Variants in ZNF462 observed in about 807,000 individuals in gnomAD.
ZNF462 encodes zinc finger protein 462, also known as zinc finger PBX1-interacting protein.
ZNF462 carries 10 observed loss-of-function variants against 201.9 expected under a neutral mutation model. That is an observed-to-expected ratio of 0.05 (90% CI 0.03 to 0.08). ZNF462 has a LOEUF of 0.08. ZNF462 is among the 10% of genes least tolerant of loss of function. ZNF462 has a pLI of 1.00. For synonymous variants in ZNF462, 1,227 were observed against 1,193.3 expected (o/e 1.03, Z -0.58); for missense variants, 2,523 against 3,168.3 (o/e 0.80, Z 4.89).
At position 106,970,437 on chromosome 9, in the gene ZNF462, C is replaced by A. The variant is rs569522101; in HGVS notation, c.6428-1568C>A. Reference sequence around the variant, plus strand: ...GCTGCTCTGCTTTTGTTTTCCTGTTCGAAGAGGCTGACGGGATGGATGGTG... The same window carrying A: ...GCTGCTCTGCTTTTGTTTTCCTGTTAGAAGAGGCTGACGGGATGGATGGTG... On this transcript the variant is annotated intron_variant, in intron 7 of 12. Transcript: ENST00000277225. This position sits in a 1 kb window ranked among gnomAD's most constrained non-coding sequence, Gnocchi z 4.2. Among the ~76,000 whole-genome samples the A allele has an allele frequency of 6.6e-5, 10 of 152,184 alleles. No homozygotes were observed. The South Asian group carries it at 2.1e-3, about 32-fold the overall frequency.
chr9:106,992,435 A>G (rs1321444335), intron 10 of ZNF462, among the ~76,000 whole-genome samples: 1 of 152,068 alleles, frequency 6.6e-6, no homozygotes, highest in Non-Finnish European at 1.5e-5. Context: ...GCAGTTTGGC[A>G]TTTGTTTATA....
intron 10 of ZNF462, among the ~76,000 whole-genome samples, chr9:106,998,763 C>T (rs1211988203): frequency 6.6e-6 from 1 of 152,026 alleles, no homozygotes; most frequent in Non-Finnish European, 1.5e-5. Flanking sequence ...ACCCGCCCAC[C>T]ACACCTGGCT....
At chr9:106,868,492 T>G (rs73668703) in intron 1 of ZNF462, among the ~76,000 whole-genome samples, 4 of 152,234 alleles carry the variant, frequency 2.6e-5, no homozygotes, top group Non-Finnish European at 4.4e-5. Flanking sequence ...TTATTTCTCA[T>G]GCAGAAATTA....
At position 106,928,513 on chromosome 9, in the gene ZNF462, A is replaced by G. The variant is rs1314548751; in HGVS notation, c.4601A>G (p.Tyr1534Cys). 1.2e-6 allele frequency: 2 copies of G among 1,614,000 alleles called. No individual in the cohort carries two copies. Among genetic ancestry groups the G allele is most frequent in the Non-Finnish European group, 1.7e-6 (2 of 1,179,998 alleles). Residue 1534 changes from tyrosine to cysteine, a missense_variant, in exon 3 of 13, where the codon TAC becomes TGC. Transcript: ENST00000277225. This position sits in a 1 kb window ranked among gnomAD's most constrained non-coding sequence, Gnocchi z 9.3. ...CGCATCCACGGCGTACTGACCCACT[A>G]CCAGAAGCGACACCCGTCCATCAAG... ...NTRIHGVLTH[Y>C]QKRHPSIKVT... is the part of the protein sequence containing the mutation.
chr9:106,896,543 A>G (rs1001002685), intron 1 of ZNF462, among the ~76,000 whole-genome samples: 2 of 152,236 alleles, frequency 1.3e-5, no homozygotes, highest in African/African-American at 4.8e-5. Context: ...GTAATGGGTT[A>G]TATTGCTTCT....
chr9:106,910,348 C>T (rs542921757), intron 1 of ZNF462, among the ~76,000 whole-genome samples: 18 of 147,928 alleles, frequency 1.2e-4, no homozygotes, highest in African/African-American at 4.3e-4. Context: ...TGTCGTCCTC[C>T]ACCCCTTGTT....
Position 106,876,769 on chromosome 9 carries a change from C to T in ZNF462, c.-31+13414C>T, listed in dbSNP as rs532645110. ...TCAGAAGAAAGATGTTATTACTGTT[C>T]CTATTGTTTGGCATCATTCTGGCAA... On this transcript the variant is annotated intron_variant, in intron 1 of 12. Coordinates refer to ENST00000277225, the MANE Select transcript of ZNF462 (RefSeq NM_021224.6). The surrounding 1 kb of genome is among the most constrained non-coding windows in gnomAD (Gnocchi z 4.9). Among the ~76,000 whole-genome samples the T allele has an allele frequency of 1.3e-5, 2 of 152,102 alleles. No homozygotes were observed. The highest frequency in any genetic ancestry group is 2.9e-5 in the Non-Finnish European group (2 of 68,024).
upstream of ZNF462, among the ~76,000 whole-genome samples, chr9:106,862,876 G>A (rs1827116460): frequency 1.3e-5 from 2 of 151,764 alleles, no homozygotes; most frequent in Non-Finnish European, 2.9e-5. The surrounding 1 kb of genome is among the most constrained non-coding windows in gnomAD (Gnocchi z 4.2). Context: ...GCTGCACGTT[G>A]TTGTTGTTAT....
intron 1 of ZNF462, among the ~76,000 whole-genome samples, chr9:106,864,149 G>T (rs2130755132): frequency 6.8e-6 from 1 of 146,088 alleles, no homozygotes; most frequent in South Asian, 2.2e-4. Context: ...GGGATGTGTC[G>T]GGGGGTGGCT....
rs1283318203 is a variant in ZNF462 at position 106,925,216 on chromosome 9, T to G, written c.1304T>G (p.Phe435Cys). ...ACCAAGGGGATTCCATTTAGAAGAT[T>G]CATGAATAGGTTCCAGTGCCCCTTT... ...LETKGIPFRRFMNRFQCPFCP... is the reference protein window; with the variant it reads ...LETKGIPFRRCMNRFQCPFCP... The change falls in exon 3 of 13, where the codon TTC becomes TGC. Residue 435 changes from phenylalanine to cysteine, a missense_variant. By Grantham distance (205) the Phe-to-Cys change is radical. Coordinates refer to ENST00000277225, the MANE Select transcript of ZNF462 (RefSeq NM_021224.6). The surrounding 1 kb of genome is among the most constrained non-coding windows in gnomAD (Gnocchi z 7.9). The G allele has an allele frequency of 1.9e-6, 3 of 1,614,168 alleles. No homozygotes were observed. The South Asian group carries it at 3.3e-5, about 18-fold the overall frequency.
intron 1 of ZNF462, among the ~76,000 whole-genome samples, chr9:106,909,384 T>C (rs1019415546): frequency 6.6e-6 from 1 of 152,184 alleles, no homozygotes; most frequent in Non-Finnish European, 1.5e-5. Context: ...TAAGGAATTA[T>C]AATTTTATTT....
At chr9:106,975,433 C>T (rs1826925857) in intron 9 of ZNF462, 1 of 152,250 alleles carries the variant, frequency 6.6e-6, no homozygotes, top group South Asian at 2.1e-4. Flanking sequence ...GTGACATACT[C>T]ACCCATGTTC....
chr9:106,946,670 T>C (rs1019310479), intron 7 of ZNF462, among the ~76,000 whole-genome samples: 12 of 152,014 alleles, frequency 7.9e-5, no homozygotes, highest in Admixed American at 2.6e-4. Context: ...AAAATAATTT[T>C]TTTAAAAGTG....
intron 1 of ZNF462, among the ~76,000 whole-genome samples, chr9:106,901,722 C>G (rs949137930): frequency 6.6e-6 from 1 of 152,096 alleles, no homozygotes; most frequent in Admixed American, 6.5e-5. Context: ...CTCTGCTTGG[C>G]TGCTGTTGGT....
At chr9:106,861,590 G>A (rs1377545858), upstream of ZNF462, among the ~76,000 whole-genome samples, 1 of 152,220 alleles carries the variant, frequency 6.6e-6, no homozygotes, top group Non-Finnish European at 1.5e-5. Flanking sequence ...CCAACTCCAA[G>A]ATCCAAGAAA....
At chr9:106,988,227 G>A (rs1363646699) in intron 10 of ZNF462, among the ~76,000 whole-genome samples, 4 of 152,126 alleles carry the variant, frequency 2.6e-5, no homozygotes, top group Non-Finnish European at 5.9e-5. Flanking sequence ...AGAAGGCAAG[G>A]AGGAGAAAGT....
chr9:106,939,777 A>G (rs1830788416), intron 7 of ZNF462, among the ~76,000 whole-genome samples: 1 of 152,210 alleles, frequency 6.6e-6, no homozygotes, highest in South Asian at 2.1e-4. Context: ...GCCTGCAGAT[A>G]TGGCATAGTA....
At chr9:106,967,717 C>T (rs1438701971) in intron 7 of ZNF462, among the ~76,000 whole-genome samples, 3 of 152,166 alleles carry the variant, frequency 2.0e-5, no homozygotes, top group Non-Finnish European at 4.4e-5. Context: ...GACAATTTAT[C>T]AAGCATCTAA....
chr9:106,989,183 G>A (rs1828078671), intron 10 of ZNF462, among the ~76,000 whole-genome samples: 1 of 152,110 alleles, frequency 6.6e-6, no homozygotes, highest in African/African-American at 2.4e-5. Flanking sequence ...TTTGTCATAG[G>A]TGGCTTTTAT....
Sources: gnomAD v4.1 joint callset for allele counts (sites outside exome capture counted in the v4.1 genomes callset) on GRCh38, gnomAD v4.1.1 for gene constraint, Gnocchi (gnomAD v3.1) non-coding constraint, MANE v1.5 for transcripts, NCBI Gene and HGNC (gene_info 2026-07-23, HGNC 2026-07-21) for gene names.